The following SNX6 variants were observed in gnomAD, a reference collection of about 807,000 sequenced individuals.
SNX6 encodes the protein sorting nexin 6, also known as sorting nexin-6.
A neutral mutation model predicts 63.0 loss-of-function variants in SNX6; 34 were observed. That is an observed-to-expected ratio of 0.54 (90% CI 0.41 to 0.72). The LOEUF (loss-of-function observed/expected upper bound fraction) is 0.72, where lower values mean the gene tolerates loss of function less well. Among genes scored for constraint, SNX6 ranks in the 30% least tolerant of loss-of-function variants. The pLI is 0.00. For missense variants in SNX6, 398 were observed against 471.4 expected, an observed-to-expected ratio of 0.84 and a Z score of 1.44; for synonymous variants, 170 against 164.2, an observed-to-expected ratio of 1.04 and a Z score of -0.27.
At chr14:34,564,955 A>G (rs918395554) in intron 13 of SNX6, among the ~76,000 whole-genome samples, 2 of 152,058 alleles carry the variant, frequency 1.3e-5, no homozygotes, top group African/African-American at 4.8e-5. Flanking sequence ...CAACTCCATT[A>G]TGCTACTACA....
chr14:34,625,089 G>C (rs1032710678), intron 2 of SNX6, among the ~76,000 whole-genome samples: 1 of 151,814 alleles, frequency 6.6e-6, no homozygotes, highest in Non-Finnish European at 1.5e-5. Context: ...CTAATTTTCT[G>C]TATTTTTAGC....
intron 10 of SNX6, among the ~76,000 whole-genome samples, chr14:34,577,821 T>A (rs1881770469): frequency 6.6e-6 from 1 of 152,132 alleles, no homozygotes. Flanking sequence ...TAAAAATAAT[T>A]CTTATACTAA....
At chr14:34,576,510 G>C (rs551645795) in intron 10 of SNX6, among the ~76,000 whole-genome samples, 1 of 150,648 alleles carries the variant, frequency 6.6e-6, no homozygotes, top group Non-Finnish European at 1.5e-5. Context: ...ATGCAGTGGC[G>C]CAATCTCGGC....
At chr14:34,606,158 A>T (rs959293448) in intron 4 of SNX6, among the ~76,000 whole-genome samples, 1 of 150,224 alleles carries the variant, frequency 6.7e-6, no homozygotes, top group African/African-American at 2.5e-5. Context: ...TGGGTGATAG[A>T]GGAAGACCCT....
intron 9 of SNX6, among the ~76,000 whole-genome samples, chr14:34,582,394 G>C (rs1478168967): frequency 6.6e-6 from 1 of 151,918 alleles, no homozygotes; most frequent in Non-Finnish European, 1.5e-5. Context: ...GGGAGGCTAA[G>C]GTGAAAGGAT....
chr14:34,582,173 A>G (rs1173832798), intron 9 of SNX6, among the ~76,000 whole-genome samples: 3 of 127,940 alleles, frequency 2.3e-5, no homozygotes, highest in Admixed American at 8.9e-5. Context: ...GCTCTGTTGC[A>G]CAGGCCAGAG....
chr14:34,621,464 G>C (rs1229360471), intron 2 of SNX6, among the ~76,000 whole-genome samples: 1 of 152,112 alleles, frequency 6.6e-6, no homozygotes, highest in Non-Finnish European at 1.5e-5. Context: ...ACTAGACATA[G>C]CCACCTGGAT....
At chr14:34,565,880 G>A (rs1244040436) in intron 13 of SNX6, among the ~76,000 whole-genome samples, 1 of 151,810 alleles carries the variant, frequency 6.6e-6, no homozygotes, top group African/African-American at 2.4e-5. Flanking sequence ...TAGTAGAGAT[G>A]GGGTTCCACC....
chr14:34,607,196 CCACATCCCCTAAGAAAA>C (rs1047298733), intron 4 of SNX6, among the ~76,000 whole-genome samples: 13 of 152,214 alleles, frequency 8.5e-5, no homozygotes, highest in African/African-American at 3.1e-4. Context: ...GTAACATACC[CCACATCCCCTAAGAAAA>C]CACTTCAGGA....
intron 2 of SNX6, among the ~76,000 whole-genome samples, chr14:34,613,181 T>C (rs969817947): frequency 6.6e-6 from 1 of 152,148 alleles, no homozygotes; most frequent in Non-Finnish European, 1.5e-5. Flanking sequence ...CACTGAAAGC[T>C]GGAGGAGGCA....
intron 6 of SNX6, among the ~76,000 whole-genome samples, chr14:34,603,076 G>A (rs559755443): frequency 5.3e-5 from 8 of 151,422 alleles, no homozygotes; most frequent in Non-Finnish European, 5.9e-5. Context: ...AGGAGATCGA[G>A]ACCATTCTGG....
intron 2 of SNX6, 123 bp downstream of exon 2, chr14:34,629,784 G>C (rs983174613): frequency 2.8e-6 from 4 of 1,437,812 alleles, no homozygotes; most frequent in Admixed American, 2.2e-5. Context: ...CGAGGAAACC[G>C]AAAGGAGGAC....
rs7155931 is a variant in SNX6, at chr14:34,588,979, C to T, written c.719-2674G>A. On this transcript the variant is annotated intron_variant, in intron 8 of 13. Transcript: ENST00000362031. Reference sequence around the variant, plus strand: ...CAAAACTCTGTCTCTACTAAAAATGCAAAAATTAGCCAGGTGTGGTAGCAT... The same window carrying T: ...CAAAACTCTGTCTCTACTAAAAATGTAAAAATTAGCCAGGTGTGGTAGCAT... 6.2e-3 allele frequency among the ~76,000 whole-genome samples: 941 copies of T among 151,874 alleles called. 8 individuals are homozygous for T. Among genetic ancestry groups the T allele is most frequent in the African/African-American group, 0.021 (875 of 41,430 alleles).
intron 8 of SNX6, among the ~76,000 whole-genome samples, chr14:34,588,947 A>G (rs1882282642): frequency 6.6e-6 from 1 of 152,140 alleles, no homozygotes; most frequent in African/African-American, 2.4e-5. Context: ...CAGCCTGGCC[A>G]ACATGGCAAA....
chr14:34,572,309 A>G, intron 11 of SNX6, among the ~76,000 whole-genome samples: 1 of 152,156 alleles, frequency 6.6e-6, no homozygotes, highest in East Asian at 1.9e-4. Context: ...CTATAATCCC[A>G]ACACCTTGGG....
At chr14:34,564,828 CAAAA>C (rs754717917) in intron 13 of SNX6, among the ~76,000 whole-genome samples, 1 of 97,736 alleles carries the variant, frequency 1.0e-5, no homozygotes, top group Non-Finnish European at 2.2e-5. Context: ...AACTAAGTAT[CAAAA>C]AAAAAAAAAA....
intron 2 of SNX6, 143 bp from the exon 3 acceptor site, chr14:34,609,885 CTA>C: frequency 1.7e-6 from 1 of 578,568 alleles, no homozygotes; most frequent in Non-Finnish European, 3.1e-6. Flanking sequence ...AACATACATA[CTA>C]TATACATTTT....
Position 34,629,925 on chromosome 14 carries a change from G to A in SNX6, c.36C>T (p.Leu12=), listed in dbSNP as rs778394799. 1.1e-5 allele frequency: 17 copies of A among 1,552,510 alleles called. No individual in the cohort carries two copies. Among genetic ancestry groups the A allele is most frequent in the Middle Eastern group, 3.4e-4 (2 of 5,860 alleles). ...MEGLDDGPDF[L]SEEDRGLKAI... ...AACTTACTCCGCGGTCCTCTTCTGAGAGGAAGTCCGGGCCGTCGTCCAGGC... is the reference window on the plus strand; with the variant it reads ...AACTTACTCCGCGGTCCTCTTCTGAAAGGAAGTCCGGGCCGTCGTCCAGGC... Residue 12 remains leucine, a synonymous_variant, in exon 2 of 14, where the codon CTC becomes CTT. Transcript: ENST00000362031.
Position 34,565,992 on chromosome 14 carries a change from T to C in SNX6, c.1167+1694A>G, listed in dbSNP as rs139276296. Among the ~76,000 whole-genome samples the C allele has an allele frequency of 7.9e-3, 1,205 of 151,608 alleles. 17 individuals are homozygous for C. Among genetic ancestry groups the C allele is most frequent in the African/African-American group, 0.027 (1,134 of 41,312 alleles). On this transcript the variant is annotated intron_variant, in intron 13 of 13. Transcript: ENST00000362031. The stretch of plus-strand genomic sequence containing the variant: ...GCGTGAGCCACCACGCCTGGCTGAT[T>C]TTTGTATTTTTAGTAGAGGACAGGG...
Sources: gnomAD v4.1 joint callset for allele counts (sites outside exome capture counted in the v4.1 genomes callset) on GRCh38, gnomAD v4.1.1 for gene constraint, MANE v1.5 for transcripts, NCBI Gene and HGNC (gene_info 2026-07-23, HGNC 2026-07-21) for gene names.